Variants in NUCB2 observed in about 807,000 individuals in gnomAD.
NUCB2 encodes the protein nucleobindin 2.
NUCB2 carries 48 observed loss-of-function variants against 57.9 expected under a neutral mutation model. That is an observed-to-expected ratio of 0.83 (90% CI 0.66 to 1.05). The LOEUF (loss-of-function observed/expected upper bound fraction) is 1.05, where lower values mean the gene tolerates loss of function less well. Ranked by LOEUF, NUCB2 falls within the 50% of genes least tolerant of loss-of-function variation. NUCB2 has a pLI of 0.00. For synonymous variants in NUCB2, 139 were observed against 152.1 expected, an observed-to-expected ratio of 0.91 and a Z score of 0.64; for missense variants, 442 against 476.2, an observed-to-expected ratio of 0.93 and a Z score of 0.67.
chr11:17,278,036 GATCTCAT>G (rs1941692961), intron 1 of NUCB2, among the ~76,000 whole-genome samples: 1 of 151,876 alleles, frequency 6.6e-6, no homozygotes, highest in African/African-American at 2.4e-5. Context: ...AGCTTTCCAT[GATCTCAT>G]CTACCTTTGT....
chr11:17,336,986 G>T (rs1469064066), downstream of NUCB2, among the ~76,000 whole-genome samples: 1 of 151,580 alleles, frequency 6.6e-6, no homozygotes, highest in Non-Finnish European at 1.5e-5. Context: ...TGTCATCCAG[G>T]CTGGAGTACA....
intron 4 of NUCB2, 68 bp downstream of exon 4, chr11:17,296,279 C>T (rs966362511): frequency 2.3e-6 from 2 of 858,430 alleles, no homozygotes; most frequent in Non-Finnish European, 3.5e-6. Flanking sequence ...GATGAGGTCT[C>T]ACCATATAAC....
intron 4 of NUCB2, among the ~76,000 whole-genome samples, chr11:17,297,523 C>T (rs571554294): frequency 2.0e-5 from 3 of 152,204 alleles, no homozygotes; most frequent in South Asian, 2.1e-4. Context: ...AGGATTAATT[C>T]GATCTGTGGA....
intron 11 of NUCB2, among the ~76,000 whole-genome samples, chr11:17,325,049 C>T (rs1950505476): frequency 6.6e-6 from 1 of 152,144 alleles, no homozygotes; most frequent in Admixed American, 6.6e-5. Flanking sequence ...GTTATCCACC[C>T]ACTTCAGCCT....
chr11:17,285,177 C>T (rs1036749551), intron 2 of NUCB2, among the ~76,000 whole-genome samples: 6 of 152,156 alleles, frequency 3.9e-5, no homozygotes, highest in Admixed American at 3.3e-4. Context: ...CCTGTAATCC[C>T]AGCACTTTGG....
intron 4 of NUCB2, among the ~76,000 whole-genome samples, chr11:17,300,705 C>T (rs1332695210): frequency 1.3e-5 from 2 of 152,010 alleles, no homozygotes; most frequent in East Asian, 1.9e-4. Context: ...GGTTTTTTGG[C>T]GAGTATGAAT....
rs144123712 is a variant in NUCB2 at position 17,319,684 on chromosome 11, A to G, written c.1002+4209A>G. 8.5e-5 allele frequency among the ~76,000 whole-genome samples: 13 copies of G among 152,300 alleles called. No homozygotes were observed. The East Asian group carries it at 2.3e-3, about 27-fold the overall frequency. ...TATTAAAACTCATGAATTTACACTG[A>G]TATCTCCAGTTGCAATCCAACAACT... On this transcript the variant is annotated intron_variant, in intron 11 of 13. Coordinates refer to ENST00000529010, the MANE Select transcript of NUCB2 (RefSeq NM_005013.4).
chr11:17,332,747 C>G (rs1347646537), downstream of NUCB2: 1 of 152,032 alleles, frequency 6.6e-6, no homozygotes, highest in Non-Finnish European at 1.5e-5. Flanking sequence ...GGGTCTTACT[C>G]TGTTGTCCAG....
intron 11 of NUCB2, among the ~76,000 whole-genome samples, chr11:17,328,365 C>T (rs1950956980): frequency 6.6e-6 from 1 of 152,216 alleles, no homozygotes; most frequent in Non-Finnish European, 1.5e-5. Context: ...CTGGGCCTTG[C>T]CCAAGGCCCT....
At position 17,315,403 on chromosome 11, in the gene NUCB2, C is replaced by A. The variant is rs764170235; in HGVS notation, c.930C>A (p.Asp310Glu). The change falls in exon 11 of 14, where the codon GAC becomes GAA. Residue 310 changes from aspartate to glutamate, a missense_variant. Coordinates refer to ENST00000529010, the MANE Select transcript of NUCB2 (RefSeq NM_005013.4). ...TTAATCAGGTTGATACTAACAAAGA[C>A]AGATTGGTGACTCTGGAGGAGTTTT... is the stretch of plus-strand genomic sequence containing the variant. ...HVMNEVDTNK[D>E]RLVTLEEFLK... 1.1e-5 allele frequency: 17 copies of A among 1,606,338 alleles called. No individual in the cohort carries two copies. In the Admixed American group the frequency reaches 2.7e-4, roughly 25 times the overall value.
chr11:17,325,934 C>CAA (rs1338968085), intron 11 of NUCB2, among the ~76,000 whole-genome samples: 1 of 151,798 alleles, frequency 6.6e-6, no homozygotes, highest in East Asian at 1.9e-4. Context: ...AACAAACATG[C>CAA]AAAAAGAAAA....
intron 2 of NUCB2, among the ~76,000 whole-genome samples, chr11:17,285,743 CAAAAAAAAAAA>C (rs1159389193): frequency 2.8e-5 from 1 of 36,106 alleles, no homozygotes; most frequent in Non-Finnish European, 5.9e-5. Context: ...GACTCCGTCT[CAAAAAAAAAAA>C]AAAAAAAAAA....
At chr11:17,287,992 T>C (rs1944084143) in intron 2 of NUCB2, among the ~76,000 whole-genome samples, 1 of 152,124 alleles carries the variant, frequency 6.6e-6, no homozygotes, top group African/African-American at 2.4e-5. Context: ...AGTGAGACTC[T>C]GTCTCAAAAA....
At chr11:17,316,771 C>T (rs913021757) in intron 11 of NUCB2, among the ~76,000 whole-genome samples, 1 of 152,110 alleles carries the variant, frequency 6.6e-6, no homozygotes, top group Non-Finnish European at 1.5e-5. Flanking sequence ...TCTTTTTCTA[C>T]ATAAAAACTG....
chr11:17,302,323 A>G (rs559074820), intron 5 of NUCB2, among the ~76,000 whole-genome samples: 1 of 152,182 alleles, frequency 6.6e-6, no homozygotes, highest in Admixed American at 6.5e-5. Context: ...TTTTAAATAG[A>G]TAATACATTT....
chr11:17,322,956 G>A (rs1950207749), intron 11 of NUCB2, among the ~76,000 whole-genome samples: 1 of 151,788 alleles, frequency 6.6e-6, no homozygotes, highest in South Asian at 2.1e-4. Context: ...TAAATTTATC[G>A]GTTCTAATAG....
intron 1 of NUCB2, among the ~76,000 whole-genome samples, chr11:17,281,451 G>A (rs901689453): frequency 1.3e-5 from 2 of 152,104 alleles, no homozygotes; most frequent in Non-Finnish European, 2.9e-5. Context: ...ACCACTTTGG[G>A]TGTTTACAGA....
chr11:17,314,238 A>G (rs992374859), intron 10 of NUCB2, among the ~76,000 whole-genome samples: 1 of 152,118 alleles, frequency 6.6e-6, no homozygotes, highest in African/African-American at 2.4e-5. Flanking sequence ...ATCAAGTCCA[A>G]GCAAGTCTCC....
Position 17,288,938 on chromosome 11 carries a change from CACACACACACACAT to C in NUCB2, c.-1+5997_-1+6010del, listed in dbSNP as rs1229004715. Among the ~76,000 whole-genome samples the C allele has an allele frequency of 1.6e-3, 133 of 82,880 alleles. 12 individuals are homozygous for C. Among genetic ancestry groups the C allele is most frequent in the African/African-American group, 5.3e-3 (64 of 12,024 alleles). The allele number at this position is 82,880 out of a possible 152,430, so 54.4% of individuals were successfully genotyped here. On this transcript the variant is annotated intron_variant, in intron 2 of 13. Coordinates refer to ENST00000529010, the MANE Select transcript of NUCB2 (RefSeq NM_005013.4). ...ACACACACACACACACACACACACA[CACACACACACACAT>C]ATATATATATATTTTTTTTTTTTGA... is the stretch of plus-strand genomic sequence containing the variant.
Sources: gnomAD v4.1 joint callset for allele counts (sites outside exome capture counted in the v4.1 genomes callset) on GRCh38, gnomAD v4.1.1 for gene constraint, MANE v1.5 for transcripts, NCBI Gene and HGNC (gene_info 2026-07-23, HGNC 2026-07-21) for gene names.